FRMPD4: variants seen among roughly 807,000 people sequenced by gnomAD.
The protein encoded by FRMPD4 is FERM and PDZ domain containing 4, also known as FERM and PDZ domain-containing protein 4.
A neutral mutation model predicts 94.1 loss-of-function variants in FRMPD4; 22 were observed. That is an observed-to-expected ratio of 0.23 (90% CI 0.17 to 0.33). FRMPD4 has a LOEUF of 0.33. FRMPD4 is among the 10% of genes least tolerant of loss of function. The probability of loss-of-function intolerance (pLI) is 1.00; values close to 1 mark genes in which losing one functional copy is unlikely to be tolerated. For missense variants in FRMPD4, 1,111 were observed against 1,339.9 expected, an observed-to-expected ratio of 0.83 and a Z score of 2.67; for synonymous variants, 631 against 548.6, an observed-to-expected ratio of 1.15 and a Z score of -2.10.
chrX:12,444,403 C>T (rs889694279), intron 1 of FRMPD4, among the ~76,000 whole-genome samples: 20 of 109,284 alleles, frequency 1.8e-4, no homozygotes, highest in Non-Finnish European at 3.4e-4. Context: ...GCTGTCAAGA[C>T]ATTTTCTTAT....
At chrX:12,675,165 C>G (rs1321001886) in intron 5 of FRMPD4, among the ~76,000 whole-genome samples, 1 of 112,176 alleles carries the variant, frequency 8.9e-6, no homozygotes, top group African/African-American at 3.2e-5. Flanking sequence ...GCAATGGTCA[C>G]ATTTGTAAAT....
At chrX:12,168,699 C>T (rs181445350) in intron 1 of FRMPD4, among the ~76,000 whole-genome samples, 2 of 98,238 alleles carry the variant, frequency 2.0e-5, no homozygotes, top group East Asian at 6.5e-4. Flanking sequence ...GATCTCCGCT[C>T]ACTGCCAGCT....
chrX:12,661,687 T>G (rs2059715379), intron 4 of FRMPD4, among the ~76,000 whole-genome samples: 1 of 112,220 alleles, frequency 8.9e-6, no homozygotes, highest in Admixed American at 9.5e-5. Flanking sequence ...CACTTAACTG[T>G]AATATGTTGA....
At chrX:12,136,890 A>AACACAC (rs376427153), upstream of FRMPD4, among the ~76,000 whole-genome samples, 886 of 97,583 alleles carry the variant, frequency 9.1e-3, 12 homozygotes, top group East Asian at 0.052. Context: ...TCTACGTTAA[A>AACACAC]ACACACACAC....
At chrX:12,170,336 A>T (rs934363585) in intron 1 of FRMPD4, among the ~76,000 whole-genome samples, 5 of 110,610 alleles carry the variant, frequency 4.5e-5, no homozygotes, top group African/African-American at 1.6e-4. Context: ...GTAGACAGAC[A>T]TTTGAAATTG....
chrX:12,480,333 G>GAAAAAAAAAAAAAAAAAAAAAAAAAAAAA (rs35074731), intron 1 of FRMPD4, among the ~76,000 whole-genome samples: 3 of 54,666 alleles, frequency 5.5e-5, no homozygotes, highest in Non-Finnish European at 9.3e-5. Flanking sequence ...GAAAAGAAAT[G>GAAAAAAAAAAAAAAAAAAAAAAAAAAAAA]AAAAAAAAAA....
At chrX:11,964,182 CAG>C (rs2054298222) in intron 3 of FRMPD4, among the ~76,000 whole-genome samples, 1 of 109,548 alleles carries the variant, frequency 9.1e-6, no homozygotes, top group African/African-American at 3.3e-5. Context: ...TTGTTTGAGA[CAG>C]AGTCTCACTC....
intron 5 of FRMPD4, among the ~76,000 whole-genome samples, chrX:12,679,945 G>A (rs1309838984): frequency 2.7e-5 from 3 of 111,910 alleles, no homozygotes; most frequent in Non-Finnish European, 5.6e-5. Context: ...TCTTAGGTCT[G>A]CATTTTGGAG....
intron 1 of FRMPD4, among the ~76,000 whole-genome samples, chrX:12,437,028 T>A (rs2148115648): frequency 8.9e-6 from 1 of 112,420 alleles, no homozygotes; most frequent in African/African-American, 3.2e-5. Flanking sequence ...ATATTTGCAG[T>A]AATTTCTTAT....
chrX:12,044,296 TAACTC>T (rs956066147), intron 3 of FRMPD4, among the ~76,000 whole-genome samples: 15 of 112,559 alleles, frequency 1.3e-4, no homozygotes, highest in Non-Finnish European at 2.6e-4. Flanking sequence ...AGCTCGTTCT[TAACTC>T]TGTCAGTTCA....
At chrX:12,075,286 T>C (rs1352898577) in intron 3 of FRMPD4, among the ~76,000 whole-genome samples, 3 of 109,196 alleles carry the variant, frequency 2.7e-5, no homozygotes, top group Non-Finnish European at 5.7e-5. Flanking sequence ...GATATAGGTT[T>C]ATCAGTTGTA....
chrX:12,720,589 A>G lies in FRMPD4; in HGVS notation c.4020A>G (p.Gln1340=), dbSNP rs1222467970. 5.0e-6 allele frequency: 6 copies of G among 1,200,998 alleles called. No homozygotes were observed. The highest frequency in any genetic ancestry group is 4.5e-6 in the Non-Finnish European group (4 of 890,460). ...RRGGMPSAWS[Q]HPEADPILLP... ...GAGGCATGCCTTCAGCTTGGTCTCA[A>G]CATCCTGAAGCTGATCCCATCCTGC... The change falls in exon 17 of 17, where the codon CAA becomes CAG. Residue 1340 remains glutamine, a synonymous_variant. Transcript: ENST00000675598.
intron 3 of FRMPD4, among the ~76,000 whole-genome samples, chrX:12,077,474 G>A (rs1024035078): frequency 2.7e-5 from 3 of 111,593 alleles, no homozygotes; most frequent in African/African-American, 6.5e-5. Flanking sequence ...CCACCTTCTT[G>A]ACATTTCCTT....
At position 12,076,358 on chromosome X, in the gene FRMPD4, ATG is replaced by A. The variant is rs1402600708; in HGVS notation, c.95+198355_95+198356del. Among the ~76,000 whole-genome samples, 14 of 83,476 alleles carry A rather than the reference ATG, an allele frequency of 1.7e-4. No homozygotes were observed. The East Asian group carries it at 1.7e-3, about 10-fold the overall frequency. 72.5% of individuals were successfully genotyped at this position (83,476 alleles called of 115,157 possible). A position where few individuals can be genotyped will look rare whatever the true frequency, so the allele number is the denominator to read the frequency against. ...TGTGTGTGTGTGTGTGTGTGTGTGT[ATG>A]TGTGTGTGTGTGTGGAGAGAGAGAG... On this transcript the variant is annotated intron_variant, in intron 3 of 18. Transcript: ENST00000640291.
intron 1 of FRMPD4, among the ~76,000 whole-genome samples, chrX:12,227,597 T>C (rs1211352397): frequency 9.0e-6 from 1 of 111,156 alleles, no homozygotes; most frequent in Non-Finnish European, 1.9e-5. Context: ...GCCTAGGAAT[T>C]AGAGGCCAGC....
chrX:11,950,438 T>C (rs2054215809), intron 3 of FRMPD4, among the ~76,000 whole-genome samples: 1 of 111,741 alleles, frequency 8.9e-6, no homozygotes, highest in Non-Finnish European at 1.9e-5. Flanking sequence ...TGAAATGTAC[T>C]CTCTTAGAAA....
intron 3 of FRMPD4, among the ~76,000 whole-genome samples, chrX:12,127,779 C>T (rs1391628807): frequency 8.9e-6 from 1 of 112,451 alleles, no homozygotes; most frequent in African/African-American, 3.2e-5. Flanking sequence ...TAATTATTTC[C>T]TAGATACAAT....
At position 12,224,735 on chromosome X, in the gene FRMPD4, C is replaced by G. The variant is rs1032972344; in HGVS notation, c.41+85723C>G. Among the ~76,000 whole-genome samples, 3 of 111,513 alleles carry G rather than the reference C, an allele frequency of 2.7e-5. No individual in the cohort carries two copies. The Admixed American group carries it at 2.9e-4, about 11-fold the overall frequency. ...CTTTTGTGAGACATGAAGATAGGCT[C>G]TGATTTTGTGCTCTCAAGCCTAATC... On this transcript the variant is annotated intron_variant, in intron 1 of 16. Coordinates refer to ENST00000675598, the MANE Select transcript of FRMPD4 (RefSeq NM_001368397.1).
Position 12,332,078 on chromosome X carries a change from T to C in FRMPD4, c.42-166602T>C, listed in dbSNP as rs1330923516. ...TATATGTAATATATAATTTATATTA[T>C]ATATAATTTATATTATATATAATTT... On this transcript the variant is annotated intron_variant, in intron 1 of 16. Transcript: ENST00000675598. Among the ~76,000 whole-genome samples the C allele has an allele frequency of 8.6e-4, 54 of 62,642 alleles. 5 individuals carry two copies. The highest frequency in any genetic ancestry group is 2.9e-3 in the African/African-American group (47 of 16,044). 54.4% of individuals were successfully genotyped at this position (62,642 alleles called of 115,157 possible).
Sources: allele counts gnomAD v4.1 joint callset (sites outside exome capture counted in the v4.1 genomes callset), GRCh38; gene constraint gnomAD v4.1.1; transcripts MANE v1.5; gene names NCBI Gene and HGNC (gene_info 2026-07-23, HGNC 2026-07-21).